GGACT: variants seen among roughly 807,000 people sequenced by gnomAD.
GGACT encodes gamma-glutamylaminecyclotransferase.
For synonymous variants in GGACT, 118 were observed against 115.3 expected (o/e 1.02, Z -0.15); for missense variants, 241 against 233.2 (o/e 1.03, Z -0.22).
chr13:100,538,545 A>G (rs868316634), intron 2 of GGACT: 3 of 152,362 alleles, frequency 2.0e-5, no homozygotes, highest in Middle Eastern at 3.4e-3. Context: ...GAACCTTTTC[A>G]TCTTGCAAAA....
chr13:100,566,527 G>C (rs1406042027), intron 2 of GGACT, among the ~76,000 whole-genome samples: 1 of 152,214 alleles, frequency 6.6e-6, no homozygotes, highest in African/African-American at 2.4e-5. Context: ...CTGACCCTGG[G>C]ACACTGCTGC....
At position 100,584,004 on chromosome 13, in the gene GGACT, G is replaced by A. The variant is rs1849858159; in HGVS notation, c.-183-7C>T. On this transcript the variant is annotated splice_region_variant and splice_polypyrimidine_tract_variant and intron_variant, in intron 1 of 2. Coordinates refer to ENST00000683975, the MANE Select transcript of GGACT (RefSeq NM_001195087.2). ...AAATATCCAGTTTTCAGTCCTGTTG[G>A]GAGGTGAGATAAGAGGAAGTCAACT... is the stretch of plus-strand genomic sequence containing the variant. 1 of 152,174 alleles carries A rather than the reference G, an allele frequency of 6.6e-6. No individual in the cohort carries two copies. The highest frequency in any genetic ancestry group is 2.4e-5 in the African/African-American group (1 of 41,434). The allele number at this position is 152,174 out of a possible 1,614,324, so 9.4% of individuals were successfully genotyped here.
At chr13:100,578,286 C>T (rs1349290737) in intron 2 of GGACT, among the ~76,000 whole-genome samples, 1 of 152,180 alleles carries the variant, frequency 6.6e-6, no homozygotes, top group Non-Finnish European at 1.5e-5. Context: ...GATATTCTGC[C>T]AATATTGTTT....
intron 1 of GGACT, among the ~76,000 whole-genome samples, chr13:100,587,389 C>CA (rs1875611161): frequency 6.6e-6 from 1 of 152,176 alleles, no homozygotes; most frequent in East Asian, 1.9e-4. Flanking sequence ...TATTTCCGTA[C>CA]AAAAATCCAC....
At chr13:100,569,659 T>A (rs149058634) in intron 2 of GGACT, among the ~76,000 whole-genome samples, 56 of 152,382 alleles carry the variant, frequency 3.7e-4, no homozygotes, top group African/African-American at 1.2e-3. Context: ...AACATTTGGC[T>A]CTTTGTTACT....
intron 2 of GGACT, among the ~76,000 whole-genome samples, chr13:100,564,259 A>C (rs1036664281): frequency 1.3e-5 from 2 of 152,234 alleles, no homozygotes; most frequent in Admixed American, 1.3e-4. Flanking sequence ...TCTGTTTTAC[A>C]GTGATGCTCT....
chr13:100,539,610 T>G (rs921455449), intron 2 of GGACT: 4 of 444,128 alleles, frequency 9.0e-6, no homozygotes, highest in African/African-American at 2.0e-5. Context: ...TTTGCTAGTG[T>G]GTTGTTTAGG....
intron 1 of GGACT, among the ~76,000 whole-genome samples, chr13:100,586,221 A>C (rs1262376054): frequency 6.6e-6 from 1 of 152,174 alleles, no homozygotes; most frequent in African/African-American, 2.4e-5. Context: ...TTTAGGGGTG[A>C]AGTGTTATGT....
chr13:100,558,962 A>T (rs1380666810), intron 2 of GGACT, among the ~76,000 whole-genome samples: 1 of 152,162 alleles, frequency 6.6e-6, no homozygotes, highest in Non-Finnish European at 1.5e-5. Flanking sequence ...AATTGCCTGG[A>T]ATTGGGGTGT....
chr13:100,532,440 G>C lies in GGACT; in HGVS notation c.152C>G (p.Pro51Arg). The C allele has an allele frequency of 1.3e-6, 2 of 1,549,908 alleles. No individual in the cohort carries two copies. The highest frequency in any genetic ancestry group is 1.7e-6 in the Non-Finnish European group (2 of 1,146,626). ...PLVIAGEHNI[P>R]WLLHLPGSGR... Reference sequence around the variant, plus strand: ...CGAGCCGGGCAGGTGCAGCAGCCACGGGATGTTGTGCTCCCCCGCGATCAC... The same window carrying C: ...CGAGCCGGGCAGGTGCAGCAGCCACCGGATGTTGTGCTCCCCCGCGATCAC... Residue 51 changes from proline to arginine, a missense_variant, in exon 3 of 3, where the codon CCG becomes CGG. Coordinates refer to ENST00000683975, the MANE Select transcript of GGACT (RefSeq NM_001195087.2).
At chr13:100,538,833 A>G (rs1370932963) in intron 2 of GGACT, 1 of 152,236 alleles carries the variant, frequency 6.6e-6, no homozygotes, top group Non-Finnish European at 1.5e-5. Context: ...TCTGAACAAT[A>G]TTGTCTTCCA....
At position 100,587,570 on chromosome 13, in the gene GGACT, T is replaced by G. The variant is rs1377898716; in HGVS notation, c.-184+1171A>C. Among the ~76,000 whole-genome samples the G allele has an allele frequency of 2.0e-5, 3 of 152,234 alleles. No individual in the cohort carries two copies. In the South Asian group the frequency reaches 6.2e-4, roughly 32 times the overall value. On this transcript the variant is annotated intron_variant, in intron 1 of 2. Transcript: ENST00000683975. ...ACTGCAGGTGCTCTTCATCTGAGCATTTCAATAAATTGAATGAGGCCAGGG... is the reference window on the plus strand; with the variant it reads ...ACTGCAGGTGCTCTTCATCTGAGCAGTTCAATAAATTGAATGAGGCCAGGG...
Position 100,540,124 on chromosome 13 carries a change from C to T in GGACT, c.-10-7523G>A, listed in dbSNP as rs202013042. The T allele has an allele frequency of 2.3e-4, 363 of 1,586,986 alleles. 1 individual carries two copies. Among genetic ancestry groups the T allele is most frequent in the South Asian group, 1.1e-3 (104 of 90,756 alleles). The stretch of plus-strand genomic sequence containing the variant: ...GACTGCTGCGGCCTCCACTATGTTT[C>T]GAATGACGAATTTCTTAATGGCGTT... On this transcript the variant is annotated intron_variant, in intron 2 of 2. Transcript: ENST00000683975.
intron 2 of GGACT, among the ~76,000 whole-genome samples, chr13:100,582,311 C>T (rs1875443735): frequency 6.6e-6 from 1 of 152,156 alleles, no homozygotes; most frequent in South Asian, 2.1e-4. Flanking sequence ...CTCCCTGGCT[C>T]CCTCTCCAGT....
At chr13:100,554,056 A>G (rs2088691575) in intron 2 of GGACT, among the ~76,000 whole-genome samples, 1 of 152,206 alleles carries the variant, frequency 6.6e-6, no homozygotes, top group South Asian at 2.1e-4. Flanking sequence ...AAAGATACAT[A>G]ATTAATTACT....
At chr13:100,586,507 G>A (rs1308110488) in intron 1 of GGACT, among the ~76,000 whole-genome samples, 4 of 119,306 alleles carry the variant, frequency 3.4e-5, no homozygotes, top group African/African-American at 6.6e-5. Context: ...CTCCTCTCGC[G>A]GAGTCCAGCC....
chr13:100,549,737 T>C (rs1298653022), intron 2 of GGACT, among the ~76,000 whole-genome samples: 6 of 152,230 alleles, frequency 3.9e-5, no homozygotes, highest in African/African-American at 1.2e-4. Context: ...GGAGATCATA[T>C]AGCCAGAGGT....
At chr13:100,542,719 G>A (rs576808747) in intron 2 of GGACT, among the ~76,000 whole-genome samples, 5 of 152,220 alleles carry the variant, frequency 3.3e-5, no homozygotes, top group Admixed American at 2.0e-4. Context: ...GGACAATAGC[G>A]GCATCCAGGG....
intron 2 of GGACT, among the ~76,000 whole-genome samples, chr13:100,583,347 A>G (rs1875472131): frequency 6.6e-6 from 1 of 152,234 alleles, no homozygotes; most frequent in Non-Finnish European, 1.5e-5. Flanking sequence ...TGCAAAGCCT[A>G]GAGACTGTAT....
Sources: allele counts gnomAD v4.1 joint callset (sites outside exome capture counted in the v4.1 genomes callset), GRCh38; gene constraint gnomAD v4.1.1; transcripts MANE v1.5; gene names NCBI Gene and HGNC (gene_info 2026-07-23, HGNC 2026-07-21).